The following NRG2 variants were observed in gnomAD, a reference collection of about 807,000 sequenced individuals.
NRG2 encodes the protein neuregulin 2.
Under a neutral mutation model 73.9 loss-of-function variants are expected in NRG2, and 27 were observed. That is an observed-to-expected ratio of 0.37 (90% CI 0.27 to 0.50). The LOEUF is 0.50. Among genes scored for constraint, NRG2 ranks in the 20% least tolerant of loss-of-function variants. The pLI, the probability that NRG2 is intolerant of heterozygous loss-of-function variation, is 0.96. For missense variants in NRG2, 1,126 were observed against 1,210.1 expected, an observed-to-expected ratio of 0.93 and a Z score of 1.03; for synonymous variants, 532 against 541.0, an observed-to-expected ratio of 0.98 and a Z score of 0.23.
At chr5:139,901,713 T>C (rs1764904009) in intron 1 of NRG2, among the ~76,000 whole-genome samples, 1 of 152,212 alleles carries the variant, frequency 6.6e-6, no homozygotes, top group Non-Finnish European at 1.5e-5. Context: ...AAGACCAAAG[T>C]CTGCTCCATG....
In NRG2 at chr5:139,887,288, G is replaced by A. The variant is rs376915239; in HGVS notation, c.872+52C>T. On this transcript the variant is annotated intron_variant, in intron 2 of 9. Transcript: ENST00000361474. This position sits in a 1 kb window ranked among gnomAD's most constrained non-coding sequence, Gnocchi z 4.5. The stretch of plus-strand genomic sequence containing the variant: ...TGCCCAGTTCAGGCCACTCCTTCTC[G>A]AGAGGAGGGAGGGCAGCTGCTTGGA... 1.5e-5 allele frequency: 24 copies of A among 1,594,786 alleles called. No individual in the cohort carries two copies. Among genetic ancestry groups the A allele is most frequent in the East Asian group, 2.2e-5 (1 of 44,766 alleles).
chr5:139,883,886 G>T (rs1475874861), intron 2 of NRG2, among the ~76,000 whole-genome samples: 1 of 152,126 alleles, frequency 6.6e-6, no homozygotes, highest in Non-Finnish European at 1.5e-5. Context: ...GGGAGCAGGG[G>T]GCACACTTTA....
intron 1 of NRG2, among the ~76,000 whole-genome samples, chr5:139,912,713 A>C (rs1040585877): frequency 6.6e-6 from 1 of 152,196 alleles, no homozygotes; most frequent in Non-Finnish European, 1.5e-5. Context: ...ACCCAGGAGA[A>C]GGATATGCAA....
intron 1 of NRG2, among the ~76,000 whole-genome samples, chr5:140,028,485 A>C (rs1477213714): frequency 2.6e-5 from 4 of 152,156 alleles, no homozygotes; most frequent in African/African-American, 9.7e-5. Flanking sequence ...CAGTCTTCAG[A>C]TCAAGAGGAG....
chr5:139,940,029 A>G (rs978274088), intron 1 of NRG2, among the ~76,000 whole-genome samples: 4 of 152,242 alleles, frequency 2.6e-5, no homozygotes, highest in African/African-American at 9.6e-5. Flanking sequence ...GCTGCTGGGA[A>G]GGTCAAATGG....
intron 4 of NRG2, among the ~76,000 whole-genome samples, chr5:139,867,152 G>A (rs1268675496): frequency 2.0e-5 from 3 of 152,078 alleles, no homozygotes; most frequent in Non-Finnish European, 4.4e-5. Flanking sequence ...ACAGTAAGTG[G>A]CAGCCATTGG....
chr5:139,952,330 A>G (rs1754270325), intron 1 of NRG2, among the ~76,000 whole-genome samples: 2 of 152,132 alleles, frequency 1.3e-5, no homozygotes, highest in South Asian at 4.1e-4. Flanking sequence ...AAACTACACA[A>G]TCCATGAACT....
chr5:139,887,935 G>A lies in NRG2; in HGVS notation c.701-424C>T, dbSNP rs986371605. On this transcript the variant is annotated intron_variant, in intron 1 of 9. Coordinates refer to ENST00000361474, the MANE Select transcript of NRG2 (RefSeq NM_004883.3). This position sits in a 1 kb window ranked among gnomAD's most constrained non-coding sequence, Gnocchi z 4.5. ...ATCAGTGCTCAGGATCTAAAATCAT[G>A]GGTAACAAGCCATGGGGCTGTACTG... is the stretch of plus-strand genomic sequence containing the variant. Among the ~76,000 whole-genome samples the A allele has an allele frequency of 4.6e-5, 7 of 152,230 alleles. No individual in the cohort carries two copies. Among genetic ancestry groups the A allele is most frequent in the Non-Finnish European group, 7.4e-5 (5 of 68,016 alleles).
intron 1 of NRG2, among the ~76,000 whole-genome samples, chr5:140,001,528 A>C (rs1031347510): frequency 6.6e-6 from 1 of 152,188 alleles, no homozygotes; most frequent in African/African-American, 2.4e-5. Flanking sequence ...TCTACAAATA[A>C]TTATTGAGTA....
rs553868070 is a variant in NRG2 at position 139,981,700 on chromosome 5, C to A, written c.700+60670G>T. ...TTCCAGGAGCACCATGAGGAAGACC[C>A]AGTTCAGCATTAGAGGCTCCAGGCT... On this transcript the variant is annotated intron_variant, in intron 1 of 9. Transcript: ENST00000361474. Among the ~76,000 whole-genome samples, 17 of 152,336 alleles carry A rather than the reference C, an allele frequency of 1.1e-4. No individual in the cohort carries two copies. The South Asian group carries it at 3.3e-3, about 30-fold the overall frequency.
At chr5:139,955,703 T>C (rs1011039604) in intron 1 of NRG2, among the ~76,000 whole-genome samples, 1 of 152,160 alleles carries the variant, frequency 6.6e-6, no homozygotes, top group African/African-American at 2.4e-5. Flanking sequence ...AGATATCTAT[T>C]GGGTGCTCTT....
intron 1 of NRG2, among the ~76,000 whole-genome samples, chr5:140,037,907 C>CAAAAA (rs748112690): frequency 0.013 from 740 of 58,946 alleles, 35 homozygotes; most frequent in East Asian, 0.046. Context: ...GACTCCATCT[C>CAAAAA]AAAAAAAAAA....
At chr5:139,969,553 G>A (rs1755822680) in intron 1 of NRG2, among the ~76,000 whole-genome samples, 1 of 152,194 alleles carries the variant, frequency 6.6e-6, no homozygotes, top group African/African-American at 2.4e-5. Flanking sequence ...GACAGTTTTT[G>A]TACAGGGATC....
chr5:139,906,590 T>G (rs1238452150), intron 1 of NRG2, among the ~76,000 whole-genome samples: 1 of 152,236 alleles, frequency 6.6e-6, no homozygotes, highest in African/African-American at 2.4e-5. Context: ...AAATAGGTAG[T>G]CAGGCTTACT....
At chr5:139,928,286 G>A (rs941183241) in intron 1 of NRG2, among the ~76,000 whole-genome samples, 5 of 152,136 alleles carry the variant, frequency 3.3e-5, no homozygotes, top group Non-Finnish European at 5.9e-5. Context: ...AGCCTTCTCA[G>A]GAGGTCCATT....
At chr5:139,890,338 T>C (rs1181845773) in intron 1 of NRG2, among the ~76,000 whole-genome samples, 1 of 152,238 alleles carries the variant, frequency 6.6e-6, no homozygotes, top group Non-Finnish European at 1.5e-5. Flanking sequence ...TCCTAGTGAT[T>C]TGTAAGAACT....
At chr5:139,857,842 G>A (rs371212051) in intron 5 of NRG2, among the ~76,000 whole-genome samples, 13 of 152,126 alleles carry the variant, frequency 8.5e-5, no homozygotes, top group African/African-American at 9.6e-5. Flanking sequence ...CCCTAATGCC[G>A]GATCCAGCCG....
At chr5:140,011,246 T>C (rs774722225) in intron 1 of NRG2, among the ~76,000 whole-genome samples, 2 of 152,238 alleles carry the variant, frequency 1.3e-5, no homozygotes, top group Non-Finnish European at 2.9e-5. Flanking sequence ...TCCTATGTTA[T>C]AGCCTCTTCC....
At chr5:139,989,955 AT>A (rs533228079) in intron 1 of NRG2, among the ~76,000 whole-genome samples, 8 of 150,370 alleles carry the variant, frequency 5.3e-5, no homozygotes, top group Non-Finnish European at 8.9e-5. Context: ...CGCCCAGCTA[AT>A]TTTTTGTATT....
Sources: allele counts gnomAD v4.1 joint callset (sites outside exome capture counted in the v4.1 genomes callset), GRCh38; gene constraint gnomAD v4.1.1; non-coding constraint Gnocchi (gnomAD v3.1); transcripts MANE v1.5; gene names NCBI Gene and HGNC (gene_info 2026-07-23, HGNC 2026-07-21).